XKR6: variants seen among roughly 807,000 people sequenced by gnomAD.
XKR6 encodes XK related 6.
In XKR6, 22 loss-of-function variants were observed where a neutral mutation model predicts 56.7. The ratio of observed to expected loss-of-function variants is 0.39; its 90% CI spans 0.28 to 0.55. XKR6 has a LOEUF of 0.55. Ranked by LOEUF, XKR6 falls within the 20% of genes least tolerant of loss-of-function variation. XKR6 has a pLI of 0.66. For missense variants in XKR6, 852 were observed against 889.0 expected, an observed-to-expected ratio of 0.96 and a Z score of 0.53; for synonymous variants, 524 against 387.8, an observed-to-expected ratio of 1.35 and a Z score of -4.13.
chr8:11,080,221 C>A (rs1177695700), intron 1 of XKR6, among the ~76,000 whole-genome samples: 1 of 151,900 alleles, frequency 6.6e-6, no homozygotes, highest in African/African-American at 2.4e-5. Context: ...AAACCCTGGG[C>A]TCCCCTAGTC....
chr8:11,086,782 G>T (rs1451474861), intron 1 of XKR6, among the ~76,000 whole-genome samples: 1 of 152,214 alleles, frequency 6.6e-6, no homozygotes, highest in Non-Finnish European at 1.5e-5. Flanking sequence ...CAAATGAAAA[G>T]TAAGCACAGT....
chr8:11,087,214 A>C (rs1303437850), intron 1 of XKR6, among the ~76,000 whole-genome samples: 1 of 152,174 alleles, frequency 6.6e-6, no homozygotes, highest in Non-Finnish European at 1.5e-5. Context: ...AATATCGCTA[A>C]GTCTACCCTT....
chr8:10,984,691 C>A (rs776306419), intron 1 of XKR6, among the ~76,000 whole-genome samples: 1 of 99,004 alleles, frequency 1.0e-5, no homozygotes, highest in Non-Finnish European at 2.2e-5. Context: ...AGATAAAATA[C>A]ATGGCTCTCT....
At chr8:11,074,852 T>C (rs896107211) in intron 1 of XKR6, among the ~76,000 whole-genome samples, 2 of 152,182 alleles carry the variant, frequency 1.3e-5, no homozygotes, top group Admixed American at 6.5e-5. Context: ...AGCTGCCCTC[T>C]GGGAGCAGGA....
intron 1 of XKR6, among the ~76,000 whole-genome samples, chr8:11,110,062 T>A (rs1349264435): frequency 2.0e-5 from 3 of 152,078 alleles, no homozygotes; most frequent in Non-Finnish European, 4.4e-5. Flanking sequence ...AGCCTCCACC[T>A]CCCGGGTTCA....
chr8:11,156,620 G>C (rs1011108151), intron 1 of XKR6, among the ~76,000 whole-genome samples: 8 of 152,148 alleles, frequency 5.3e-5, no homozygotes, highest in African/African-American at 1.9e-4. Flanking sequence ...CCCAAAATTA[G>C]CACAGTATCT....
chr8:11,033,993 A>G (rs991430210), intron 1 of XKR6, among the ~76,000 whole-genome samples: 11 of 152,254 alleles, frequency 7.2e-5, no homozygotes, highest in Admixed American at 3.9e-4. Context: ...TCAAATTTCA[A>G]GAGCAGTCCC....
intron 1 of XKR6, among the ~76,000 whole-genome samples, chr8:11,131,344 T>C (rs1800092876): frequency 6.6e-6 from 1 of 152,164 alleles, no homozygotes; most frequent in Non-Finnish European, 1.5e-5. Context: ...ATTTAGGAAC[T>C]GAAATTTACT....
At position 11,201,114 on chromosome 8, in the gene XKR6, A is replaced by G; in HGVS notation, c.226T>C (p.Ser76Pro). ...YWGCRSACLRSLLGRKPRRSA... is the reference protein window; with the variant it reads ...YWGCRSACLRPLLGRKPRRSA... ...CGGCGCGGCTTCCTGCCCAGGAGGGAGCGCAGGCAGGCGGAGCGGCAGCCC... is the reference window on the plus strand; with the variant it reads ...CGGCGCGGCTTCCTGCCCAGGAGGGGGCGCAGGCAGGCGGAGCGGCAGCCC... The change falls in exon 1 of 3, where the codon TCC (serine) becomes CCC (proline). Residue 76 changes from serine to proline, a missense_variant. Ser to Pro is a moderately conservative substitution (Grantham distance 74). Transcript: ENST00000416569. The G allele has an allele frequency of 7.0e-7, 1 of 1,428,772 alleles. No individual in the cohort carries two copies. Among genetic ancestry groups the G allele is most frequent in the Admixed American group, 2.2e-5 (1 of 46,118 alleles). The allele number at this position is 1,428,772 out of a possible 1,614,324, so 88.5% of individuals were successfully genotyped here. A position where few individuals can be genotyped will look rare whatever the true frequency, so the allele number is the denominator to read the frequency against.
intron 1 of XKR6, among the ~76,000 whole-genome samples, chr8:10,991,164 A>G (rs944209073): frequency 6.6e-6 from 1 of 151,994 alleles, no homozygotes; most frequent in African/African-American, 2.4e-5. Flanking sequence ...TCAGCCTCCC[A>G]AAGTGCTGGG....
intron 2 of XKR6, among the ~76,000 whole-genome samples, chr8:10,910,095 T>C (rs1800307168): frequency 6.6e-6 from 1 of 152,086 alleles, no homozygotes; most frequent in Non-Finnish European, 1.5e-5. Flanking sequence ...TTTGTCGACA[T>C]CTGGAGACAT....
At chr8:11,046,452 C>A (rs1799413209) in intron 1 of XKR6, among the ~76,000 whole-genome samples, 1 of 151,904 alleles carries the variant, frequency 6.6e-6, no homozygotes, top group Non-Finnish European at 1.5e-5. Flanking sequence ...AAAGCAGGGA[C>A]CCAAAGAAAT....
intron 1 of XKR6, among the ~76,000 whole-genome samples, chr8:11,173,895 G>C (rs1398880891): frequency 6.6e-6 from 1 of 152,092 alleles, no homozygotes; most frequent in African/African-American, 2.4e-5. Context: ...TTATTAGACG[G>C]GACACAGTGG....
chr8:10,947,999 G>A (rs929414583), intron 1 of XKR6, among the ~76,000 whole-genome samples: 5 of 152,320 alleles, frequency 3.3e-5, no homozygotes, highest in South Asian at 2.1e-4. Context: ...GTCGTGTAGC[G>A]AAGTCCAGGG....
At chr8:11,186,188 C>G (rs73198974) in intron 1 of XKR6, among the ~76,000 whole-genome samples, 14,288 of 151,908 alleles carry the variant, frequency 0.094, 1,204 homozygotes, top group East Asian at 0.38. Context: ...TCATGCCCCC[C>G]CATCCCCATC....
Position 10,898,968 on chromosome 8 carries a change from G to C in XKR6, c.962-52C>G. 2 of 1,533,368 alleles carry C rather than the reference G, an allele frequency of 1.3e-6. No individual in the cohort carries two copies. Among genetic ancestry groups the C allele is most frequent in the Non-Finnish European group, 1.7e-6 (2 of 1,146,796 alleles). 95.0% of individuals were successfully genotyped at this position (1,533,368 alleles called of 1,614,324 possible). A position where few individuals can be genotyped will look rare whatever the true frequency, so the allele number is the denominator to read the frequency against. On this transcript the variant is annotated intron_variant, in intron 2 of 2. Transcript: ENST00000416569. This position sits in a 1 kb window ranked among gnomAD's most constrained non-coding sequence, Gnocchi z 6.6. Reference sequence around the variant, plus strand: ...GTCAAAACCTTGGACATCAACCGCAGGGCACAGTGAAGCTGCCGGCTGAGG... The same window carrying C: ...GTCAAAACCTTGGACATCAACCGCACGGCACAGTGAAGCTGCCGGCTGAGG...
chr8:11,123,855 C>A (rs1214753074), intron 1 of XKR6: 1 of 456,170 alleles, frequency 2.2e-6, no homozygotes, highest in Non-Finnish European at 4.4e-6. Context: ...GTCCCGTGGT[C>A]CCCACCTGGC....
chr8:11,122,414 G>C (rs1229258272), intron 1 of XKR6, among the ~76,000 whole-genome samples: 1 of 152,236 alleles, frequency 6.6e-6, no homozygotes, highest in East Asian at 1.9e-4. Flanking sequence ...CCATTCAGCA[G>C]GATGACAGGA....
intron 1 of XKR6, among the ~76,000 whole-genome samples, chr8:10,943,420 T>C (rs911493212): frequency 6.6e-6 from 1 of 152,080 alleles, no homozygotes; most frequent in Non-Finnish European, 1.5e-5. Context: ...TCTCGCCTGT[T>C]CCCCACACCT....
Sources: gnomAD v4.1 joint callset for allele counts (sites outside exome capture counted in the v4.1 genomes callset) on GRCh38, gnomAD v4.1.1 for gene constraint, Gnocchi (gnomAD v3.1) non-coding constraint, MANE v1.5 for transcripts, NCBI Gene and HGNC (gene_info 2026-07-23, HGNC 2026-07-21) for gene names.